Variants in MAD1L1 observed in about 807,000 individuals in gnomAD.
The protein encoded by MAD1L1 is mitotic arrest deficient 1 like 1, also known as mitotic spindle assembly checkpoint protein MAD1.
Under a neutral mutation model 96.9 loss-of-function variants are expected in MAD1L1, and 95 were observed. That is an observed-to-expected ratio of 0.98 (90% confidence interval 0.83 to 1.16). MAD1L1 has a LOEUF of 1.16. Among genes scored for constraint, MAD1L1 ranks in the 50% most tolerant of loss-of-function variants. The probability of loss-of-function intolerance (pLI) is 0.00; values close to 1 mark genes in which losing one functional copy is unlikely to be tolerated. For synonymous variants in MAD1L1, 473 were observed against 396.6 expected (o/e 1.19, Z -2.29); for missense variants, 1,007 against 954.4 (o/e 1.06, Z -0.73).
intron 14 of MAD1L1, among the ~76,000 whole-genome samples, chr7:1,985,547 C>T (rs1781101236): frequency 6.6e-6 from 1 of 152,258 alleles, no homozygotes; most frequent in African/African-American, 2.4e-5. Context: ...CCTGATACTA[C>T]CTTTAGATGG....
chr7:2,003,483 G>A lies in MAD1L1; in HGVS notation c.1360-1362C>T, dbSNP rs554534046. On this transcript the variant is annotated intron_variant, in intron 13 of 18. Transcript: ENST00000265854. ...AAGCTCCCCTACAGGCCCAGCCAGA[G>A]CCAGGCTCTGGACTTCCCACGGGCT... is the stretch of plus-strand genomic sequence containing the variant. 2.9e-3 allele frequency among the ~76,000 whole-genome samples: 438 copies of A among 152,232 alleles called. 1 individual carries two copies. Among genetic ancestry groups the A allele is most frequent in the African/African-American group, 9.8e-3 (406 of 41,530 alleles).
chr7:1,976,029 CT>C (rs958096937), intron 15 of MAD1L1, among the ~76,000 whole-genome samples: 2 of 152,336 alleles, frequency 1.3e-5, no homozygotes, highest in Middle Eastern at 3.4e-3. Context: ...GCTGCTGCCT[CT>C]TAAAAATCCC....
In MAD1L1 at chr7:1,828,142, G is replaced by A. The variant is rs975653537; in HGVS notation, c.1999-11914C>T. Among the ~76,000 whole-genome samples, 7 of 152,064 alleles carry A rather than the reference G, an allele frequency of 4.6e-5. No individual in the cohort carries two copies. In the East Asian group the frequency reaches 5.8e-4, roughly 13 times the overall value. ...TGCCTATTTTCCCACCTCAGAGGGC[G>A]GCCGGCAGCTTCCGGCCGAGACAGA... is the stretch of plus-strand genomic sequence containing the variant. On this transcript the variant is annotated intron_variant, in intron 18 of 18. Coordinates refer to ENST00000265854, the MANE Select transcript of MAD1L1 (RefSeq NM_001013836.2).
chr7:1,987,366 G>A lies in MAD1L1; in HGVS notation c.1417-6825C>T, dbSNP rs372181329. ...GTGGGCAGATGGTGGGCACAGACGC[G>A]GCAATGGCCACTTCCCAGGCACGTC... On this transcript the variant is annotated intron_variant, in intron 14 of 18. Transcript: ENST00000265854. 1.1e-4 allele frequency among the ~76,000 whole-genome samples: 17 copies of A among 152,352 alleles called. 1 individual carries two copies. The highest frequency in any genetic ancestry group is 3.6e-4 in the African/African-American group (15 of 41,586).
At chr7:1,982,539 T>G (rs564829803) in intron 14 of MAD1L1, among the ~76,000 whole-genome samples, 1 of 152,352 alleles carries the variant, frequency 6.6e-6, no homozygotes, top group East Asian at 1.9e-4. Flanking sequence ...TATCTTTGTA[T>G]ACGTGATTTT....
At chr7:2,078,310 A>T (rs1785476715) in intron 11 of MAD1L1, among the ~76,000 whole-genome samples, 1 of 151,898 alleles carries the variant, frequency 6.6e-6, no homozygotes, top group South Asian at 2.1e-4. Context: ...CGCTCCATCC[A>T]CCTCTGGCCT....
chr7:1,949,925 C>A (rs1415938272), intron 16 of MAD1L1, among the ~76,000 whole-genome samples: 1 of 152,238 alleles, frequency 6.6e-6, no homozygotes. Context: ...CCCGGACCCC[C>A]CAGGTCCCGC....
chr7:2,043,447 T>C (rs191384687), intron 12 of MAD1L1, among the ~76,000 whole-genome samples: 13 of 152,342 alleles, frequency 8.5e-5, no homozygotes, highest in Non-Finnish European at 1.3e-4. Flanking sequence ...AAATCCATGC[T>C]GCAATCTGTT....
chr7:1,941,001 C>G (rs990140210), intron 16 of MAD1L1, among the ~76,000 whole-genome samples: 25 of 151,658 alleles, frequency 1.6e-4, no homozygotes, highest in Non-Finnish European at 3.2e-4. Context: ...CAGGCCTCAG[C>G]CTCCTCTTCC....
At chr7:2,219,208 G>C in intron 6 of MAD1L1, 124 bp downstream of exon 6, 5 of 931,222 alleles carry the variant, frequency 5.4e-6, no homozygotes, top group Non-Finnish European at 7.9e-6. Context: ...CCCCTCTTGA[G>C]TGTCTGTGAA....
In MAD1L1 at chr7:2,045,813, C is replaced by A. The variant is rs183232966; in HGVS notation, c.1218+23381G>T. The stretch of plus-strand genomic sequence containing the variant: ...GCCTCAGCCAGACAGCACTTCAGGG[C>A]CCGTCCCAGGCCTTCCCTAAGCCTC... On this transcript the variant is annotated intron_variant, in intron 12 of 18. Coordinates refer to ENST00000265854, the MANE Select transcript of MAD1L1 (RefSeq NM_001013836.2). Among the ~76,000 whole-genome samples, 1,234 of 152,308 alleles carry A rather than the reference C, an allele frequency of 8.1e-3. 12 individuals carry two copies. The highest frequency in any genetic ancestry group is 0.014 in the Non-Finnish European group (921 of 68,026).
At chr7:2,131,669 G>A (rs912446531) in intron 11 of MAD1L1, among the ~76,000 whole-genome samples, 1 of 152,202 alleles carries the variant, frequency 6.6e-6, no homozygotes, top group Admixed American at 6.5e-5. Flanking sequence ...CATCCAGAGA[G>A]CAGCAACAGG....
At chr7:2,077,808 C>T (rs966491674) in intron 11 of MAD1L1, among the ~76,000 whole-genome samples, 2 of 152,234 alleles carry the variant, frequency 1.3e-5, no homozygotes, top group Non-Finnish European at 1.5e-5. Context: ...AAGAGGATAT[C>T]GCTGGACAGA....
At chr7:1,966,079 G>A (rs1196419553) in intron 15 of MAD1L1, among the ~76,000 whole-genome samples, 4 of 152,258 alleles carry the variant, frequency 2.6e-5, no homozygotes, top group East Asian at 1.9e-4. Flanking sequence ...GGCCTCTGAA[G>A]CTGATGATAG....
chr7:1,887,877 A>AGGCGTGTATGTGGC (rs1786212330), intron 18 of MAD1L1, among the ~76,000 whole-genome samples: 1 of 18,524 alleles, frequency 5.4e-5, no homozygotes. Flanking sequence ...GTGTGCAAGC[A>AGGCGTGTATGTGGC]TGCGTGTGTG....
intron 12 of MAD1L1, among the ~76,000 whole-genome samples, chr7:2,025,302 C>T (rs932069484): frequency 2.0e-5 from 3 of 152,166 alleles, no homozygotes; most frequent in African/African-American, 7.2e-5. Flanking sequence ...GAGAGGAAGA[C>T]AGATTAACTT....
Position 2,110,336 on chromosome 7 carries a change from G to A in MAD1L1, c.1073+38816C>T, listed in dbSNP as rs535853384. On this transcript the variant is annotated intron_variant, in intron 11 of 18. Transcript: ENST00000265854. ...CGGTACACAGCAGGCACAACCAAGC[G>A]AGCAGCTGCCCGGCTGCTCCTGTTC... Among the ~76,000 whole-genome samples, 79 of 152,342 alleles carry A rather than the reference G, an allele frequency of 5.2e-4. 3 individuals carry two copies. The highest frequency in any genetic ancestry group is 2.6e-4 in the African/African-American group (11 of 41,568).
rs1031707764 is a variant in MAD1L1 at position 2,119,110 on chromosome 7, C to T, written c.1073+30042G>A. 3.3e-5 allele frequency among the ~76,000 whole-genome samples: 5 copies of T among 152,044 alleles called. No individual in the cohort carries two copies. Among genetic ancestry groups the T allele is most frequent in the African/African-American group, 4.8e-5 (2 of 41,402 alleles). The stretch of plus-strand genomic sequence containing the variant: ...CCAGGGCTTCAGGGTGACTGCTGCC[C>T]GGTGCTCTTGGTGAAGCCGTGTTTC... On this transcript the variant is annotated intron_variant, in intron 11 of 18. Coordinates refer to ENST00000265854, the MANE Select transcript of MAD1L1 (RefSeq NM_001013836.2). This position sits in a 1 kb window ranked among gnomAD's most constrained non-coding sequence, Gnocchi z 4.6.
intron 15 of MAD1L1, among the ~76,000 whole-genome samples, chr7:1,959,981 T>C (rs528834813): frequency 1.4e-4 from 21 of 152,070 alleles, no homozygotes; most frequent in Non-Finnish European, 1.9e-4. Context: ...CTAATGAAAA[T>C]ATATTGGGGA....
Sources: gnomAD v4.1 joint callset for allele counts (sites outside exome capture counted in the v4.1 genomes callset) on GRCh38, gnomAD v4.1.1 for gene constraint, Gnocchi (gnomAD v3.1) non-coding constraint, MANE v1.5 for transcripts, NCBI Gene and HGNC (gene_info 2026-07-23, HGNC 2026-07-21) for gene names.